Variants in CDYL observed in about 807,000 individuals in gnomAD.
CDYL encodes chromodomain Y-like protein.
Under a neutral mutation model 47.3 loss-of-function variants are expected in CDYL, and 8 were observed. The ratio of observed to expected loss-of-function variants is 0.17; its 90% CI spans 0.10 to 0.31. CDYL has a LOEUF of 0.31. CDYL is among the 10% of genes least tolerant of loss of function. The pLI, the probability that CDYL is intolerant of heterozygous loss-of-function variation, is 1.00. For synonymous variants in CDYL, 266 were observed against 265.0 expected (o/e 1.00, Z -0.04); for missense variants, 471 against 701.4 (o/e 0.67, Z 3.71).
chr6:4,736,540 G>A (rs1757707232), intron 3 of CDYL, among the ~76,000 whole-genome samples: 1 of 152,168 alleles, frequency 6.6e-6, no homozygotes, highest in African/African-American at 2.4e-5. Flanking sequence ...GCTTATATAG[G>A]TCAGGAGGGT....
At chr6:4,939,585 A>G (rs1218650131) in intron 4 of CDYL, among the ~76,000 whole-genome samples, 4 of 152,240 alleles carry the variant, frequency 2.6e-5, no homozygotes, top group Non-Finnish European at 4.4e-5. Context: ...TTGAAATTTT[A>G]TAGTCTGATC....
At chr6:4,949,094 A>G (rs1283779360) in intron 5 of CDYL, among the ~76,000 whole-genome samples, 1 of 152,270 alleles carries the variant, frequency 6.6e-6, no homozygotes, top group Admixed American at 6.5e-5. Flanking sequence ...CCTTTCTTAC[A>G]GCAGGCCCTC....
intron 5 of CDYL, among the ~76,000 whole-genome samples, chr6:4,949,237 T>A (rs566139407): frequency 1.3e-5 from 2 of 152,308 alleles, no homozygotes; most frequent in African/African-American, 4.8e-5. Context: ...CGTGGAAATC[T>A]TGCACCTCTC....
At chr6:4,799,127 C>T (rs1759154199) in intron 1 of CDYL, among the ~76,000 whole-genome samples, 1 of 152,164 alleles carries the variant, frequency 6.6e-6, no homozygotes, top group Admixed American at 6.5e-5. Context: ...CATTAGAATC[C>T]AGTTCAAAAT....
intron 1 of CDYL, among the ~76,000 whole-genome samples, chr6:4,712,963 G>A (rs78065153): frequency 0.027 from 4,091 of 152,248 alleles, 69 homozygotes; most frequent in Middle Eastern, 0.051. Context: ...TTGCCAACAC[G>A]GCAAGACCCC....
intron 3 of CDYL, among the ~76,000 whole-genome samples, chr6:4,747,221 T>A (rs1465775325): frequency 1.3e-5 from 2 of 150,642 alleles, no homozygotes; most frequent in Non-Finnish European, 2.9e-5. Flanking sequence ...GCAGGAGAAT[T>A]GCTTGCACCT....
chr6:4,820,566 G>A (rs1051748701), intron 1 of CDYL, among the ~76,000 whole-genome samples: 5 of 152,156 alleles, frequency 3.3e-5, no homozygotes, highest in African/African-American at 7.2e-5. Context: ...TGAGGGAATC[G>A]AGGGACTTTG....
At chr6:4,721,668 AC>A (rs1272406716) in intron 2 of CDYL, among the ~76,000 whole-genome samples, 1 of 152,030 alleles carries the variant, frequency 6.6e-6, no homozygotes, top group Non-Finnish European at 1.5e-5. Context: ...GGCATGAGCC[AC>A]CATGCCTGGC....
intron 2 of CDYL, chr6:4,724,568 A>T (rs1456093494): frequency 6.6e-6 from 1 of 152,200 alleles, no homozygotes; most frequent in Non-Finnish European, 1.5e-5. Flanking sequence ...GCGTGTCCGG[A>T]GTTTGTTCCT....
intron 2 of CDYL, among the ~76,000 whole-genome samples, chr6:4,909,886 C>T (rs1757357396): frequency 1.3e-5 from 2 of 152,020 alleles, no homozygotes; most frequent in African/African-American, 2.4e-5. Context: ...TTTCATACTT[C>T]TTACTGTGGC....
At chr6:4,782,863 T>C (rs1034973276) in intron 1 of CDYL, among the ~76,000 whole-genome samples, 2 of 152,216 alleles carry the variant, frequency 1.3e-5, no homozygotes, top group African/African-American at 4.8e-5. Flanking sequence ...AGTAAAACCA[T>C]ATTAAAACCT....
rs193128396 is a variant in CDYL, at chr6:4,761,198, T to C, written c.186+26354T>C. ...TCTTGGCGGCAGATAAAGACCAAGATTGAGCACTCTCCAGTTACATATGTG... is the reference window on the plus strand; with the variant it reads ...TCTTGGCGGCAGATAAAGACCAAGACTGAGCACTCTCCAGTTACATATGTG... On this transcript the variant is annotated intron_variant, in intron 3 of 8. Coordinates refer to the CDYL transcript ENST00000328908. Among the ~76,000 whole-genome samples, 380 of 152,280 alleles carry C rather than the reference T, an allele frequency of 2.5e-3. 2 individuals are homozygous for C. Among genetic ancestry groups the C allele is most frequent in the African/African-American group, 8.5e-3 (353 of 41,540 alleles).
intron 1 of CDYL, among the ~76,000 whole-genome samples, chr6:4,873,726 T>A (rs1020420793): frequency 6.6e-6 from 1 of 152,346 alleles, no homozygotes; most frequent in African/African-American, 2.4e-5. Flanking sequence ...TATACAATTC[T>A]GTCATTATTG....
chr6:4,776,830 C>T, intron 1 of CDYL, 23 bp downstream of exon 1: 1 of 938,896 alleles, frequency 1.1e-6, no homozygotes, highest in Non-Finnish European at 1.3e-6. Flanking sequence ...CCCCCGGCCT[C>T]GGGCCGCCCC....
intron 1 of CDYL, among the ~76,000 whole-genome samples, chr6:4,829,512 T>G (rs1760074901): frequency 6.6e-6 from 1 of 152,250 alleles, no homozygotes. Flanking sequence ...GAGAAACTTC[T>G]CAGGTCTTTC....
chr6:4,777,887 C>T (rs781035938), intron 1 of CDYL, among the ~76,000 whole-genome samples: 5 of 152,152 alleles, frequency 3.3e-5, no homozygotes, highest in Non-Finnish European at 7.4e-5. Flanking sequence ...TGCAGAAGTT[C>T]TCAGGAGGAA....
intron 3 of CDYL, among the ~76,000 whole-genome samples, chr6:4,736,917 T>C (rs138920891): frequency 6.6e-6 from 1 of 152,296 alleles, no homozygotes; most frequent in East Asian, 1.9e-4. Flanking sequence ...AATACACTGA[T>C]GGGACAAGCA....
chr6:4,909,074 A>C (rs1444839571), intron 2 of CDYL, among the ~76,000 whole-genome samples: 1 of 152,246 alleles, frequency 6.6e-6, no homozygotes, highest in African/African-American at 2.4e-5. Context: ...GCCCCAGGTC[A>C]TAAGATGGTG....
chr6:4,771,095 G>A (rs1403265049), intron 3 of CDYL, among the ~76,000 whole-genome samples: 2 of 152,062 alleles, frequency 1.3e-5, no homozygotes, highest in African/African-American at 4.8e-5. Flanking sequence ...CAGTAGGTGA[G>A]AGGGTAAGAG....
Sources: gnomAD v4.1 joint callset for allele counts (sites outside exome capture counted in the v4.1 genomes callset) on GRCh38, gnomAD v4.1.1 for gene constraint, MANE v1.5 for transcripts, NCBI Gene and HGNC (gene_info 2026-07-23, HGNC 2026-07-21) for gene names.